The following MED13L variants were observed in gnomAD, a reference collection of about 807,000 sequenced individuals.
MED13L encodes mediator of RNA polymerase II transcription subunit 13-like.
Under a neutral mutation model 220.9 loss-of-function variants are expected in MED13L, and 7 were observed. The ratio of observed to expected loss-of-function variants is 0.03; its 90% CI spans 0.02 to 0.06. The LOEUF is 0.06. Among genes scored for constraint, MED13L ranks in the 10% least tolerant of loss-of-function variants. The pLI, the probability that MED13L is intolerant of heterozygous loss-of-function variation, is 1.00. For missense variants in MED13L, 1,965 were observed against 2,760.5 expected (o/e 0.71, Z 6.46); for synonymous variants, 1,011 against 1,015.2 (o/e 1.00, Z 0.08).
chr12:116,172,822 A>G (rs1359870447), intron 2 of MED13L, among the ~76,000 whole-genome samples: 1 of 152,066 alleles, frequency 6.6e-6, no homozygotes, highest in Non-Finnish European at 1.5e-5. Flanking sequence ...TGGTACAAGC[A>G]AAGTCCTCAA....
intron 4 of MED13L, among the ~76,000 whole-genome samples, chr12:116,069,262 G>A (rs931278353): frequency 2.0e-5 from 3 of 152,208 alleles, no homozygotes. Context: ...CATTTCCCTA[G>A]TAGATGCTAT....
chr12:116,100,415 A>G (rs1872968966), intron 3 of MED13L, among the ~76,000 whole-genome samples: 1 of 151,862 alleles, frequency 6.6e-6, no homozygotes, highest in African/African-American at 2.4e-5. Flanking sequence ...CCTGGCCAAC[A>G]TGGTAAAGCC....
At chr12:116,211,106 C>G (rs1411250317) in intron 2 of MED13L, among the ~76,000 whole-genome samples, 1 of 152,130 alleles carries the variant, frequency 6.6e-6, no homozygotes, top group Non-Finnish European at 1.5e-5. Context: ...AGAAAACTTC[C>G]CACTGCACTT....
chr12:116,038,988 G>A (rs1782352871), intron 4 of MED13L, among the ~76,000 whole-genome samples: 1 of 151,872 alleles, frequency 6.6e-6, no homozygotes, highest in African/African-American at 2.4e-5. Context: ...AAAGAGAAGG[G>A]AAGGACCCAT....
rs139365555 is a variant in MED13L at position 116,045,119 on chromosome 12, A to G, written c.480-22518T>C. Among the ~76,000 whole-genome samples the G allele has an allele frequency of 7.8e-3, 1,195 of 152,286 alleles. 11 individuals are homozygous for G. The highest frequency in any genetic ancestry group is 0.031 in the South Asian group (148 of 4,828). Reference sequence around the variant, plus strand: ...TTGTTTGGGTAAAATGCACCGTTATATTTTAGTGACTTTCTCAGGCAGTAA... The same window carrying G: ...TTGTTTGGGTAAAATGCACCGTTATGTTTTAGTGACTTTCTCAGGCAGTAA... On this transcript the variant is annotated intron_variant, in intron 4 of 30. Transcript: ENST00000281928.
At chr12:116,247,701 A>T (rs1871208705) in intron 1 of MED13L, among the ~76,000 whole-genome samples, 1 of 152,132 alleles carries the variant, frequency 6.6e-6, no homozygotes, top group Non-Finnish European at 1.5e-5. Flanking sequence ...ATATATATAT[A>T]CACACACATA....
chr12:116,145,809 G>A (rs1877455839), intron 2 of MED13L, among the ~76,000 whole-genome samples: 1 of 151,674 alleles, frequency 6.6e-6, no homozygotes, highest in African/African-American at 2.4e-5. Flanking sequence ...CTAAATCTAG[G>A]TGACAGCCAC....
chr12:115,993,143 A>G (rs1480931222), intron 16 of MED13L, among the ~76,000 whole-genome samples: 1 of 152,046 alleles, frequency 6.6e-6, no homozygotes, highest in Admixed American at 6.6e-5. Context: ...ACAAGGAAAT[A>G]CTCTGCCATT....
At chr12:116,178,086 C>T (rs1312628324) in intron 2 of MED13L, among the ~76,000 whole-genome samples, 1 of 151,884 alleles carries the variant, frequency 6.6e-6, no homozygotes, top group Non-Finnish European at 1.5e-5. Flanking sequence ...ACCATGTTGC[C>T]CAGGCTGCTC....
intron 2 of MED13L, among the ~76,000 whole-genome samples, chr12:116,127,709 A>G (rs1395447929): frequency 1.3e-5 from 2 of 152,214 alleles, no homozygotes; most frequent in East Asian, 3.8e-4. Flanking sequence ...TCAAGAAGCA[A>G]AGCTTTTTAA....
At chr12:116,118,960 G>T (rs1340492577) in intron 2 of MED13L, among the ~76,000 whole-genome samples, 1 of 152,064 alleles carries the variant, frequency 6.6e-6, no homozygotes, top group Non-Finnish European at 1.5e-5. Context: ...TTTCTATCCA[G>T]AAAACAATCA....
At position 115,983,807 on chromosome 12, in the gene MED13L, A is replaced by AT. The variant is rs1421564317; in HGVS notation, c.4532-268dup. On this transcript the variant is annotated intron_variant, in intron 20 of 30. Transcript: ENST00000281928. ...GATAGTCTCCTTTCAGACTGATTCC[A>AT]TGTGCCTGCCCTAAAAAATGAGAAG... 2.0e-5 allele frequency among the ~76,000 whole-genome samples: 3 copies of AT among 152,300 alleles called. No homozygotes were observed. The East Asian group carries it at 5.8e-4, about 29-fold the overall frequency.
chr12:116,265,655 A>T (rs1872778250), intron 1 of MED13L, among the ~76,000 whole-genome samples: 1 of 152,190 alleles, frequency 6.6e-6, no homozygotes, highest in African/African-American at 2.4e-5. Context: ...AAAACTGAAA[A>T]TTATTTTAAC....
intron 2 of MED13L, among the ~76,000 whole-genome samples, chr12:116,172,273 T>G (rs975785086): frequency 6.6e-6 from 1 of 152,198 alleles, no homozygotes; most frequent in Non-Finnish European, 1.5e-5. Context: ...AAGAATCACA[T>G]TTCCGGATGT....
chr12:115,996,507 G>T lies in MED13L; in HGVS notation c.2965C>A (p.Pro989Thr). Residue 989 changes from proline (P) to threonine (T), a missense_variant, in exon 16 of 31, where the codon CCT becomes ACT. This residue lies in a region of MED13L where 233 missense variants were observed against 306.2 expected (regional missense o/e 0.76). Coordinates refer to ENST00000281928, the MANE Select transcript of MED13L (RefSeq NM_015335.5). The stretch of plus-strand genomic sequence containing the variant: ...CCATCTCTAATGAAAGTGGCTGCAG[G>T]GGGCATGGGCAGTTGTTCAATTTTA... ...PPKIEQLPMPPAATFIRDGYN... is the reference protein window; with the variant it reads ...PPKIEQLPMPTAATFIRDGYN... 1 of 1,614,158 alleles carries T rather than the reference G, an allele frequency of 6.2e-7. No individual in the cohort carries two copies. The highest frequency in any genetic ancestry group is 8.5e-7 in the Non-Finnish European group (1 of 1,179,998).
At chr12:116,152,405 T>C (rs1878106237) in intron 2 of MED13L, among the ~76,000 whole-genome samples, 1 of 152,206 alleles carries the variant, frequency 6.6e-6, no homozygotes, top group Admixed American at 6.5e-5. Flanking sequence ...ACATACGTGA[T>C]TAAAGCGTCA....
chr12:116,204,796 GTATTAT>G lies in MED13L; in HGVS notation c.310+32666_310+32671del, dbSNP rs1158495233. The stretch of plus-strand genomic sequence containing the variant: ...TATCTGTAGATATAGAGATACTTAG[GTATTAT>G]TATTATCTTATTTTCTTAAGCTAAC... On this transcript the variant is annotated intron_variant, in intron 2 of 30. Coordinates refer to ENST00000281928, the MANE Select transcript of MED13L (RefSeq NM_015335.5). Among the ~76,000 whole-genome samples, 3 of 152,112 alleles carry G rather than the reference GTATTAT, an allele frequency of 2.0e-5. No homozygotes were observed. The East Asian group carries it at 5.8e-4, about 29-fold the overall frequency.
At chr12:116,111,349 T>A in intron 3 of MED13L, 79 bp downstream of exon 3, 1 of 1,175,986 alleles carries the variant, frequency 8.5e-7, no homozygotes, top group Non-Finnish European at 1.3e-6. Context: ...GAAAAGTTTT[T>A]GAAAATTACA....
intron 4 of MED13L, among the ~76,000 whole-genome samples, chr12:116,026,695 T>C (rs1449149178): frequency 6.6e-6 from 1 of 152,226 alleles, no homozygotes; most frequent in Non-Finnish European, 1.5e-5. Flanking sequence ...TTCTATTTTT[T>C]CTAAGATCAT....
Sources: gnomAD v4.1 joint callset for allele counts (sites outside exome capture counted in the v4.1 genomes callset) on GRCh38, gnomAD v4.1.1 for gene constraint, gnomAD v4.1.1 regional missense constraint, MANE v1.5 for transcripts, NCBI Gene and HGNC (gene_info 2026-07-23, HGNC 2026-07-21) for gene names.